The following PALLD variants were observed in gnomAD, a reference collection of about 807,000 sequenced individuals.
The protein encoded by PALLD is palladin, cytoskeletal associated protein.
PALLD carries 61 observed loss-of-function variants against 123.5 expected under a neutral mutation model. That is an observed-to-expected ratio of 0.49 (90% confidence interval 0.40 to 0.61). PALLD has a LOEUF of 0.61. PALLD is among the 20% of genes least tolerant of loss of function. The pLI is 0.00. For missense variants in PALLD, 1,273 were observed against 1,377.0 expected (o/e 0.92, Z 1.20); for synonymous variants, 465 against 496.4 (o/e 0.94, Z 0.84).
intron 2 of PALLD, among the ~76,000 whole-genome samples, chr4:168,601,865 A>C (rs926348056): frequency 2.6e-5 from 4 of 152,098 alleles, no homozygotes; most frequent in Admixed American, 1.3e-4. Context: ...CCTCATCTCT[A>C]CTTTTCTATC....
chr4:168,784,592 A>C (rs973104300), intron 10 of PALLD, among the ~76,000 whole-genome samples: 1 of 152,198 alleles, frequency 6.6e-6, no homozygotes, highest in Non-Finnish European at 1.5e-5. Context: ...AAACATGTTG[A>C]GACAAGGGAA....
At chr4:168,745,898 A>C (rs1181884247) in intron 10 of PALLD, among the ~76,000 whole-genome samples, 1 of 152,140 alleles carries the variant, frequency 6.6e-6, no homozygotes, top group Non-Finnish European at 1.5e-5. Flanking sequence ...TCCAATTTTA[A>C]AATAAAAATT....
At chr4:168,649,917 G>T (rs959614877) in intron 2 of PALLD, among the ~76,000 whole-genome samples, 1 of 152,172 alleles carries the variant, frequency 6.6e-6, no homozygotes, top group Non-Finnish European at 1.5e-5. Flanking sequence ...GGTGGCTCAC[G>T]CCTGTAATCC....
intron 2 of PALLD, among the ~76,000 whole-genome samples, chr4:168,624,887 C>T (rs1244217603): frequency 6.6e-6 from 1 of 152,050 alleles, no homozygotes; most frequent in Non-Finnish European, 1.5e-5. Context: ...ATCTGTAAAA[C>T]ATTCCCAAAG....
chr4:168,747,078 C>A (rs1009743395), intron 10 of PALLD, among the ~76,000 whole-genome samples: 1 of 152,184 alleles, frequency 6.6e-6, no homozygotes, highest in African/African-American at 2.4e-5. Flanking sequence ...AAGTTGGATT[C>A]TATTTACTAC....
At chr4:168,590,864 G>GTTTTTTT (rs371992201) in intron 2 of PALLD, among the ~76,000 whole-genome samples, 1 of 70,194 alleles carries the variant, frequency 1.4e-5, no homozygotes, top group Non-Finnish European at 2.5e-5. Context: ...GACCTAGAAA[G>GTTTTTTT]TTTTTTTTTT....
intron 2 of PALLD, among the ~76,000 whole-genome samples, chr4:168,573,930 G>A (rs1166006862): frequency 1.3e-5 from 2 of 151,802 alleles, no homozygotes; most frequent in Admixed American, 6.6e-5. Flanking sequence ...AACAACTTCT[G>A]GGAAGCAGCT....
chr4:168,882,973 C>T (rs1190383992), intron 10 of PALLD, among the ~76,000 whole-genome samples: 2 of 151,846 alleles, frequency 1.3e-5, no homozygotes, highest in African/African-American at 4.8e-5. Context: ...ACCTGTAGTC[C>T]CAGCTACTTG....
Position 168,928,127 on chromosome 4 carries a change from C to T in PALLD, c.*1947C>T, listed in dbSNP as rs929683853. On this transcript the variant is annotated 3_prime_UTR_variant, in exon 22 of 22. Coordinates refer to ENST00000505667, the MANE Select transcript of PALLD (RefSeq NM_001166108.2). ...GGCAGATGTTCTATGCAGTGTGGTT[C>T]AAGTTTCTTTGACCGCACTTATATG... 8.8e-5 allele frequency: 17 copies of T among 192,784 alleles called. 1 individual carries two copies. Among genetic ancestry groups the T allele is most frequent in the Admixed American group, 7.9e-4 (13 of 16,376 alleles). The allele number at this position is 192,784 out of a possible 1,614,324, so 11.9% of individuals were successfully genotyped here.
chr4:168,866,997 A>G (rs7690353), intron 10 of PALLD, among the ~76,000 whole-genome samples: 94,307 of 151,944 alleles, frequency 0.62, 30,002 homozygotes, highest in East Asian at 0.89. Context: ...TAAATATAAG[A>G]TAAGTCGTGG....
chr4:168,503,619 C>G (rs1400840847), intron 1 of PALLD, among the ~76,000 whole-genome samples: 3 of 148,188 alleles, frequency 2.0e-5, no homozygotes. Flanking sequence ...TGCACTCCAG[C>G]CTGGGCAACA....
At chr4:168,806,238 A>G (rs1475609900) in intron 10 of PALLD, among the ~76,000 whole-genome samples, 2 of 152,062 alleles carry the variant, frequency 1.3e-5, no homozygotes, top group Non-Finnish European at 2.9e-5. Context: ...CTAATTTTGT[A>G]TTTTTAGTAG....
chr4:168,712,032 G>T (rs2150214482), intron 10 of PALLD, 109 bp downstream of exon 10: 1 of 827,798 alleles, frequency 1.2e-6, no homozygotes, highest in South Asian at 1.4e-5. Flanking sequence ...AGTTGGCCTT[G>T]ACTCATGGGA....
chr4:168,584,882 A>G (rs1396850165), intron 2 of PALLD, among the ~76,000 whole-genome samples: 1 of 152,204 alleles, frequency 6.6e-6, no homozygotes, highest in African/African-American at 2.4e-5. Context: ...AATGGTGAGC[A>G]AAATATTCCC....
chr4:168,710,014 G>T (rs1365234789), intron 9 of PALLD, among the ~76,000 whole-genome samples: 2 of 152,108 alleles, frequency 1.3e-5, no homozygotes, highest in Non-Finnish European at 2.9e-5. Flanking sequence ...ATAAGCCATT[G>T]TCTGATCCAC....
Position 168,888,606 on chromosome 4 carries a change from A to G in PALLD, c.1965-2316A>G, listed in dbSNP as rs1022300653. On this transcript the variant is annotated intron_variant, in intron 10 of 21. Transcript: ENST00000505667. The stretch of plus-strand genomic sequence containing the variant: ...TTCTTCCTTCTGTTTCTTTTCAGAG[A>G]TGAGAGAATTTTAACTAGAGCACCT... Among the ~76,000 whole-genome samples, 38 of 152,062 alleles carry G rather than the reference A, an allele frequency of 2.5e-4. 1 individual carries two copies. The highest frequency in any genetic ancestry group is 8.2e-4 in the African/African-American group (34 of 41,398).
chr4:168,670,756 C>CA (rs1297875131), intron 3 of PALLD, among the ~76,000 whole-genome samples: 44 of 70,278 alleles, frequency 6.3e-4, no homozygotes, highest in African/African-American at 2.1e-3. Flanking sequence ...ACAAAAAAAA[C>CA]AAAAAAAACA....
chr4:168,580,358 C>A (rs1243860624), intron 2 of PALLD, among the ~76,000 whole-genome samples: 3 of 151,440 alleles, frequency 2.0e-5, no homozygotes, highest in African/African-American at 4.9e-5. Flanking sequence ...ATGTGGCCAC[C>A]AAGCATATGA....
chr4:168,520,139 A>G (rs12512415), intron 2 of PALLD, among the ~76,000 whole-genome samples: 25,513 of 151,846 alleles, frequency 0.17, 2,848 homozygotes, highest in East Asian at 0.42. Flanking sequence ...ATCCTGACTA[A>G]CTTGGAGAAA....
Sources: allele counts gnomAD v4.1 joint callset (sites outside exome capture counted in the v4.1 genomes callset), GRCh38; gene constraint gnomAD v4.1.1; transcripts MANE v1.5; gene names NCBI Gene and HGNC (gene_info 2026-07-23, HGNC 2026-07-21).